The following CCDC27 variants were observed in gnomAD, a reference collection of about 807,000 sequenced individuals.
The protein encoded by CCDC27 is coiled-coil domain containing 27.
CCDC27 carries 80 observed loss-of-function variants against 80.3 expected under a neutral mutation model. That is an observed-to-expected ratio of 1.00 (90% CI 0.83 to 1.20). CCDC27 has a LOEUF of 1.20. Among genes scored for constraint, CCDC27 ranks in the 50% most tolerant of loss-of-function variants. The pLI is 0.00. For synonymous variants in CCDC27, 342 were observed against 334.3 expected, an observed-to-expected ratio of 1.02 and a Z score of -0.25; for missense variants, 815 against 809.4, an observed-to-expected ratio of 1.01 and a Z score of -0.08.
chr1:3,771,308 G>A lies in CCDC27; in HGVS notation c.1849-93G>A, dbSNP rs567277135. On this transcript the variant is annotated intron_variant, in intron 11 of 11. Transcript: ENST00000294600. The stretch of plus-strand genomic sequence containing the variant: ...CTCTGGAGGAGGAGGAGAGGGTGGC[G>A]TCCCGGGCAGCTGGCACGGACTGTG... 70 of 1,529,390 alleles carry A rather than the reference G, an allele frequency of 4.6e-5. No individual in the cohort carries two copies. In the African/African-American group the frequency reaches 5.2e-4, roughly 11 times the overall value. The allele number at this position is 1,529,390 out of a possible 1,614,324, so 94.7% of individuals were successfully genotyped here. A position where few individuals can be genotyped will look rare whatever the true frequency, so the allele number is the denominator to read the frequency against.
In CCDC27 at chr1:3,769,916, C is replaced by A; in HGVS notation, c.1848+29C>A. 6.4e-7 allele frequency: 1 copy of A among 1,562,312 alleles called. No homozygotes were observed. The highest frequency in any genetic ancestry group is 8.8e-7 in the Non-Finnish European group (1 of 1,132,874). On this transcript the variant is annotated intron_variant, in intron 11 of 11. Transcript: ENST00000294600. The surrounding 1 kb of genome is among the most constrained non-coding windows in gnomAD (Gnocchi z 4.6). ...TACCCCTAAGCTCAGCTGCCTCTAT[C>A]CGGGCCCCAGACCCCCAGGCCAGAG...
Position 3,762,690 on chromosome 1 carries a change from AG to A in CCDC27, c.934del (p.Glu312SerfsTer48). ...SLLKAFSRHE[E>X]ELQHWWQMQE... ...CTGAAGGCCTTCTCCAGACATGAGG[AG>A]GAGCTGCAGCACTGGTGGCAGGTGC... On this transcript the variant is annotated frameshift_variant, in exon 6 of 12. Transcript: ENST00000294600. LOFTEE classifies it high-confidence loss of function. 2 of 1,549,408 alleles carry A rather than the reference AG, an allele frequency of 1.3e-6. No homozygotes were observed. Among genetic ancestry groups the A allele is most frequent in the Non-Finnish European group, 1.7e-6 (2 of 1,146,704 alleles).
rs565682717 is a variant in CCDC27 at position 3,761,370 on chromosome 1, G to C, written c.801G>C (p.Met267Ile). ...AGGAGGAGAGGGAGGCCCTGAAGAT[G>C]CAGCTGAAATGCCTTCTGAAAGGCA... ...LLQEEREALKMQLKCLLKGKG... is the reference protein window; with the variant it reads ...LLQEEREALKIQLKCLLKGKG... Residue 267 changes from methionine to isoleucine, a missense_variant, in exon 5 of 12, where the codon ATG becomes ATC. By Grantham distance (10) the Met-to-Ile change is conservative. Coordinates refer to ENST00000294600, the MANE Select transcript of CCDC27 (RefSeq NM_152492.3). The surrounding 1 kb of genome is among the most constrained non-coding windows in gnomAD (Gnocchi z 5.0). The C allele has an allele frequency of 6.2e-7, 1 of 1,614,034 alleles. No homozygotes were observed. The highest frequency in any genetic ancestry group is 8.5e-7 in the Non-Finnish European group (1 of 1,180,030).
intron 1 of CCDC27, among the ~76,000 whole-genome samples, chr1:3,753,277 C>T (rs1475156350): frequency 1.3e-5 from 2 of 151,908 alleles, no homozygotes; most frequent in Non-Finnish European, 2.9e-5. Flanking sequence ...TGGGTGAATG[C>T]ATTGCCTGGA....
At chr1:3,754,036 A>C in intron 1 of CCDC27, 82 bp from the exon 2 acceptor site, 1 of 1,558,168 alleles carries the variant, frequency 6.4e-7, no homozygotes, top group Non-Finnish European at 8.7e-7. Context: ...GTGATGGTTT[A>C]GGGAAACAGG....
chr1:3,761,254 G>A lies in CCDC27; in HGVS notation c.712-27G>A, dbSNP rs41311979. 9.6e-3 allele frequency: 15,513 copies of A among 1,609,282 alleles called. 199 individuals are homozygous for A. Among genetic ancestry groups the A allele is most frequent in the African/African-American group, 0.058 (4,309 of 74,896 alleles). On this transcript the variant is annotated intron_variant, in intron 4 of 11. Coordinates refer to ENST00000294600, the MANE Select transcript of CCDC27 (RefSeq NM_152492.3). The surrounding 1 kb of genome is among the most constrained non-coding windows in gnomAD (Gnocchi z 5.0). ...AAGAGTGTGTGGCTGCATGGCCCAC[G>A]GGGGCTGCCCTTGGTTTTCTGCCCA...
chr1:3,760,796 A>G lies in CCDC27; in HGVS notation c.712-485A>G, dbSNP rs750253458. On this transcript the variant is annotated intron_variant, in intron 4 of 11. Transcript: ENST00000294600. The surrounding 1 kb of genome is among the most constrained non-coding windows in gnomAD (Gnocchi z 4.3). ...GATTCTTTCAATTTCTGTTTGCCTGAAAACATCTTTATTTTTGTCTTTAAT... is the reference window on the plus strand; with the variant it reads ...GATTCTTTCAATTTCTGTTTGCCTGGAAACATCTTTATTTTTGTCTTTAAT... Among the ~76,000 whole-genome samples the G allele has an allele frequency of 5.3e-5, 8 of 152,234 alleles. No individual in the cohort carries two copies. The highest frequency in any genetic ancestry group is 2.6e-4 in the Admixed American group (4 of 15,280).
At chr1:3,755,848 G>T in intron 3 of CCDC27, 1 of 408,562 alleles carries the variant, frequency 2.4e-6, no homozygotes, top group Non-Finnish European at 4.6e-6. Flanking sequence ...TGGCTGATGG[G>T]TGCATCCCTC....
rs2124597135 is a variant in CCDC27, at chr1:3,766,894, G to A, written c.1530+282G>A. Among the ~76,000 whole-genome samples the A allele has an allele frequency of 6.9e-6, 1 of 143,978 alleles. No homozygotes were observed. The highest frequency in any genetic ancestry group is 1.5e-5 in the Non-Finnish European group (1 of 67,116). 94.5% of individuals were successfully genotyped at this position (143,978 alleles called of 152,430 possible). A position where few individuals can be genotyped will look rare whatever the true frequency, so the allele number is the denominator to read the frequency against. On this transcript the variant is annotated intron_variant, in intron 9 of 11. Transcript: ENST00000294600. This position sits in a 1 kb window ranked among gnomAD's most constrained non-coding sequence, Gnocchi z 6.1. ...TCCTGCTCCGTCACCAGGCTGGAGTGCAGTGGTGTGATCTCAGCTCACTGC... is the reference window on the plus strand; with the variant it reads ...TCCTGCTCCGTCACCAGGCTGGAGTACAGTGGTGTGATCTCAGCTCACTGC...
At position 3,760,876 on chromosome 1, in the gene CCDC27, G is replaced by C. The variant is rs570308519; in HGVS notation, c.712-405G>C. Among the ~76,000 whole-genome samples the C allele has an allele frequency of 6.6e-6, 1 of 152,200 alleles. No homozygotes were observed. The highest frequency in any genetic ancestry group is 1.5e-5 in the Non-Finnish European group (1 of 68,038). ...AGAACAAAAGTTTGAGGAGCTCCCCGACAGGCCCCTAGGGAAGCTTGGAGG... is the reference window on the plus strand; with the variant it reads ...AGAACAAAAGTTTGAGGAGCTCCCCCACAGGCCCCTAGGGAAGCTTGGAGG... On this transcript the variant is annotated intron_variant, in intron 4 of 11. Coordinates refer to ENST00000294600, the MANE Select transcript of CCDC27 (RefSeq NM_152492.3). This position sits in a 1 kb window ranked among gnomAD's most constrained non-coding sequence, Gnocchi z 4.3.
rs763077344 is a variant in CCDC27, at chr1:3,752,685, GCTC to G, written c.209_211del (p.Leu70del). 1.2e-6 allele frequency: 2 copies of G among 1,614,052 alleles called. No individual in the cohort carries two copies. Among genetic ancestry groups the G allele is most frequent in the Non-Finnish European group, 1.7e-6 (2 of 1,180,054 alleles). On this transcript the variant is annotated inframe_deletion, in exon 1 of 12. Coordinates refer to ENST00000294600, the MANE Select transcript of CCDC27 (RefSeq NM_152492.3). ...CCAGCTCGATGGCCAGGGCCCTGGT[GCTC>G]CTCCAGAGCATGGCCAGCCGGGACG...
chr1:3,759,525 T>C (rs1242186755), intron 4 of CCDC27, among the ~76,000 whole-genome samples: 1 of 152,220 alleles, frequency 6.6e-6, no homozygotes, highest in Non-Finnish European at 1.5e-5. Context: ...GCTTTAGATT[T>C]TGTTGATTTT....
intron 2 of CCDC27, among the ~76,000 whole-genome samples, 180 bp from the exon 3 acceptor site, chr1:3,755,277 A>C (rs1642923251): frequency 6.6e-6 from 1 of 152,190 alleles, no homozygotes; most frequent in Admixed American, 6.5e-5. Flanking sequence ...TGGAGACACC[A>C]GGGCAGGCAG....
Position 3,769,322 on chromosome 1 carries a change from A to G in CCDC27, c.1744-461A>G, listed in dbSNP as rs1252240799. ...TCCATGGCACAGACACCTCCTAGTC[A>G]GCATGGAAAGGAGGAAGCACCAGCA... On this transcript the variant is annotated intron_variant, in intron 10 of 11. Coordinates refer to ENST00000294600, the MANE Select transcript of CCDC27 (RefSeq NM_152492.3). This position sits in a 1 kb window ranked among gnomAD's most constrained non-coding sequence, Gnocchi z 4.6. Among the ~76,000 whole-genome samples the G allele has an allele frequency of 6.6e-6, 1 of 152,160 alleles. No individual in the cohort carries two copies. The highest frequency in any genetic ancestry group is 2.4e-5 in the African/African-American group (1 of 41,440).
chr1:3,759,163 G>A (rs1336188023), intron 4 of CCDC27, among the ~76,000 whole-genome samples: 1 of 151,924 alleles, frequency 6.6e-6, no homozygotes, highest in Non-Finnish European at 1.5e-5. Context: ...GTTTCAGTGA[G>A]CTGAGATCGA....
intron 4 of CCDC27, among the ~76,000 whole-genome samples, chr1:3,758,010 C>T (rs1423556617): frequency 6.6e-6 from 1 of 151,984 alleles, no homozygotes; most frequent in African/African-American, 2.4e-5. Flanking sequence ...TCGCCTTGGC[C>T]TCCCAAAGTG....
intron 11 of CCDC27, among the ~76,000 whole-genome samples, chr1:3,770,379 G>A (rs747751664): frequency 1.3e-4 from 20 of 152,214 alleles, no homozygotes; most frequent in Non-Finnish European, 2.4e-4. Context: ...GTAGAGGGGT[G>A]TAGGAGAATT....
chr1:3,768,088 CTT>C lies in CCDC27; in HGVS notation c.1743+664_1743+665del, dbSNP rs775378587. ...AAAAGGAAATCAATAAAGAGCTGAC[CTT>C]TTTTTTTTTTTTTTTTTTTTCTGAG... On this transcript the variant is annotated intron_variant, in intron 10 of 11. Coordinates refer to ENST00000294600, the MANE Select transcript of CCDC27 (RefSeq NM_152492.3). This position sits in a 1 kb window ranked among gnomAD's most constrained non-coding sequence, Gnocchi z 5.6. 1.8e-4 allele frequency among the ~76,000 whole-genome samples: 22 copies of C among 120,336 alleles called. No homozygotes were observed. The highest frequency in any genetic ancestry group is 3.5e-4 in the African/African-American group (11 of 31,398). The allele number at this position is 120,336 out of a possible 152,430, so 78.9% of individuals were successfully genotyped here.
chr1:3,759,451 C>T (rs1451488821), intron 4 of CCDC27, among the ~76,000 whole-genome samples: 1 of 152,194 alleles, frequency 6.6e-6, no homozygotes, highest in Non-Finnish European at 1.5e-5. Context: ...CTTGTGCCTC[C>T]TTTCTTTTTC....
Sources: allele counts gnomAD v4.1 joint callset (sites outside exome capture counted in the v4.1 genomes callset), GRCh38; gene constraint gnomAD v4.1.1; non-coding constraint Gnocchi (gnomAD v3.1); transcripts MANE v1.5; gene names NCBI Gene and HGNC (gene_info 2026-07-23, HGNC 2026-07-21).